SLC39A11: variants seen among roughly 807,000 people sequenced by gnomAD.
SLC39A11 encodes the protein solute carrier family 39 member 11, also known as zinc transporter ZIP11.
A neutral mutation model predicts 36.1 loss-of-function variants in SLC39A11; 33 were observed. The ratio of observed to expected loss-of-function variants is 0.91; its 90% CI spans 0.69 to 1.22. SLC39A11 has a LOEUF of 1.22. SLC39A11 is among the 50% of genes most tolerant of loss of function. The pLI is 0.00. For missense variants in SLC39A11, 432 were observed against 430.3 expected, an observed-to-expected ratio of 1.00 and a Z score of -0.03; for synonymous variants, 166 against 170.3, an observed-to-expected ratio of 0.97 and a Z score of 0.20.
At chr17:72,861,333 A>C (rs1488018631) in intron 5 of SLC39A11, among the ~76,000 whole-genome samples, 1 of 152,118 alleles carries the variant, frequency 6.6e-6, no homozygotes, top group Non-Finnish European at 1.5e-5. Context: ...TTCCATCAAT[A>C]AAAGGAGGGG....
chr17:72,818,822 A>G (rs1290997078), intron 6 of SLC39A11: 1 of 152,208 alleles, frequency 6.6e-6, no homozygotes, highest in East Asian at 1.9e-4. Flanking sequence ...TTATAATCAT[A>G]TTACAAGTTT....
intron 7 of SLC39A11, among the ~76,000 whole-genome samples, chr17:72,732,035 C>CTTTTTT (rs1838992557): frequency 2.3e-5 from 1 of 43,306 alleles, no homozygotes; most frequent in South Asian, 6.4e-4. Context: ...TTTTTCTTTT[C>CTTTTTT]TTTTCTTTTT....
At chr17:72,801,526 C>T (rs999399383) in intron 6 of SLC39A11, among the ~76,000 whole-genome samples, 4 of 152,134 alleles carry the variant, frequency 2.6e-5, no homozygotes, top group African/African-American at 7.2e-5. Flanking sequence ...TGCGCCCAGC[C>T]GGGCAATGAA....
At chr17:72,998,721 G>A (rs565007879) in intron 4 of SLC39A11, among the ~76,000 whole-genome samples, 1 of 152,360 alleles carries the variant, frequency 6.6e-6, no homozygotes, top group Admixed American at 6.5e-5. Flanking sequence ...ACATGCAGCT[G>A]CTTTGGGGTA....
intron 5 of SLC39A11, among the ~76,000 whole-genome samples, chr17:72,934,012 G>A (rs758699972): frequency 6.6e-6 from 1 of 151,118 alleles, no homozygotes; most frequent in Non-Finnish European, 1.5e-5. Context: ...ATGCTGCTGG[G>A]ACAATTTAAC....
At chr17:72,810,508 T>C (rs1416539621) in intron 6 of SLC39A11, among the ~76,000 whole-genome samples, 3 of 152,166 alleles carry the variant, frequency 2.0e-5, no homozygotes, top group African/African-American at 7.2e-5. Context: ...TGCAGTATGA[T>C]TCCATTTAAA....
chr17:73,060,104 G>A (rs1464217502), intron 3 of SLC39A11, among the ~76,000 whole-genome samples: 1 of 151,506 alleles, frequency 6.6e-6, no homozygotes, highest in Non-Finnish European at 1.5e-5. Context: ...AGCTACCTGG[G>A]AGGCTAAGGC....
chr17:72,655,848 G>T (rs1243323476), intron 7 of SLC39A11, among the ~76,000 whole-genome samples: 2 of 152,188 alleles, frequency 1.3e-5, no homozygotes, highest in Non-Finnish European at 2.9e-5. Flanking sequence ...TAGTCTCTCA[G>T]TGGTAGGGGG....
At chr17:72,790,043 T>G (rs1333398668) in intron 6 of SLC39A11, among the ~76,000 whole-genome samples, 1 of 152,160 alleles carries the variant, frequency 6.6e-6, no homozygotes, top group Non-Finnish European at 1.5e-5. Context: ...TTCAAAGACA[T>G]GAAGTAGCAG....
At chr17:72,650,261 G>A (rs1370616004) in intron 7 of SLC39A11, among the ~76,000 whole-genome samples, 2 of 152,216 alleles carry the variant, frequency 1.3e-5, no homozygotes, top group Non-Finnish European at 2.9e-5. Context: ...GCTGATAGAT[G>A]CCTGTCTTTG....
chr17:72,970,293 CT>C (rs1171845807), intron 4 of SLC39A11, among the ~76,000 whole-genome samples: 1 of 152,204 alleles, frequency 6.6e-6, no homozygotes, highest in African/African-American at 2.4e-5. Context: ...TAGCTTAGAA[CT>C]TTCTGCTTCT....
At chr17:73,044,334 A>ATAT (rs1323439152) in intron 3 of SLC39A11, among the ~76,000 whole-genome samples, 1 of 152,232 alleles carries the variant, frequency 6.6e-6, no homozygotes, top group Non-Finnish European at 1.5e-5. Context: ...ACATTGTAGT[A>ATAT]TATTTATGAA....
chr17:72,748,600 A>G lies in SLC39A11; in HGVS notation c.602-11881T>C, dbSNP rs112120413. 1.1e-3 allele frequency among the ~76,000 whole-genome samples: 173 copies of G among 152,310 alleles called. 1 individual carries two copies. The highest frequency in any genetic ancestry group is 6.8e-3 in the Middle Eastern group (2 of 294). On this transcript the variant is annotated intron_variant, in intron 6 of 9. Transcript: ENST00000255559. ...AAGACACAGGCAGCGCCTCGTTTGT[A>G]TGACTGAAGACAGCCACATCTTCAA... is the stretch of plus-strand genomic sequence containing the variant.
chr17:72,680,433 G>A (rs2071462929), intron 7 of SLC39A11, among the ~76,000 whole-genome samples: 1 of 152,168 alleles, frequency 6.6e-6, no homozygotes, highest in African/African-American at 2.4e-5. Context: ...TGAATCATGG[G>A]GGTAGGTCTT....
At chr17:72,674,169 T>C (rs942329094) in intron 7 of SLC39A11, among the ~76,000 whole-genome samples, 1 of 151,810 alleles carries the variant, frequency 6.6e-6, no homozygotes, top group Admixed American at 6.6e-5. Flanking sequence ...CCTTGCCACA[T>C]ACCCTCTCTA....
At chr17:72,909,750 C>CT (rs56091262) in intron 5 of SLC39A11, among the ~76,000 whole-genome samples, 7,295 of 144,596 alleles carry the variant, frequency 0.05, 300 homozygotes, top group African/African-American at 0.094. Context: ...TTTCTTTTTT[C>CT]TTTTTTTTTT....
intron 4 of SLC39A11, among the ~76,000 whole-genome samples, chr17:72,973,172 G>A (rs2087583742): frequency 6.6e-6 from 1 of 151,750 alleles, no homozygotes; most frequent in African/African-American, 2.4e-5. Context: ...ATAAAAGTTG[G>A]CTCAAACAAC....
intron 7 of SLC39A11, among the ~76,000 whole-genome samples, chr17:72,670,061 C>A (rs2070938109): frequency 6.7e-6 from 1 of 149,968 alleles, no homozygotes. Context: ...GATGTATATA[C>A]ACATATATAT....
intron 6 of SLC39A11, among the ~76,000 whole-genome samples, chr17:72,772,947 A>G (rs983829898): frequency 1.3e-5 from 2 of 152,070 alleles, no homozygotes; most frequent in Admixed American, 1.3e-4. Flanking sequence ...TTAGCTGGGC[A>G]TGGTGGCGAG....
Sources: allele counts gnomAD v4.1 joint callset (sites outside exome capture counted in the v4.1 genomes callset), GRCh38; gene constraint gnomAD v4.1.1; transcripts MANE v1.5; gene names NCBI Gene and HGNC (gene_info 2026-07-23, HGNC 2026-07-21).